Variants in TMEFF2 observed in about 807,000 individuals in gnomAD.
TMEFF2 encodes the protein transmembrane protein with EGF like and two follistatin like domains 2.
Under a neutral mutation model 53.8 loss-of-function variants are expected in TMEFF2, and 28 were observed. The observed-to-expected ratio is 0.52, with a 90% confidence interval of 0.39 to 0.71. The LOEUF (loss-of-function observed/expected upper bound fraction) is 0.71. Among genes scored for constraint, TMEFF2 ranks in the 30% least tolerant of loss-of-function variants. TMEFF2 has a pLI of 0.00. For missense variants in TMEFF2, 353 were observed against 455.2 expected, an observed-to-expected ratio of 0.78 and a Z score of 2.04; for synonymous variants, 162 against 166.3, an observed-to-expected ratio of 0.97 and a Z score of 0.20.
At chr2:191,990,554 C>T (rs941516954) in intron 7 of TMEFF2, among the ~76,000 whole-genome samples, 7 of 152,006 alleles carry the variant, frequency 4.6e-5, no homozygotes, top group Non-Finnish European at 7.4e-5. Context: ...ATACATTCTA[C>T]CTGCACTTAC....
At chr2:192,069,730 C>G (rs1267179306) in intron 4 of TMEFF2, among the ~76,000 whole-genome samples, 1 of 151,676 alleles carries the variant, frequency 6.6e-6, no homozygotes, top group Admixed American at 6.6e-5. Context: ...GCCATTAGAT[C>G]ACCAAGGTTA....
intron 7 of TMEFF2, among the ~76,000 whole-genome samples, chr2:191,988,772 TGAAA>T (rs1335555887): frequency 6.8e-6 from 1 of 147,486 alleles, no homozygotes; most frequent in Non-Finnish European, 1.5e-5. Context: ...TCAGAAGATG[TGAAA>T]GAAAGATTAA....
At chr2:192,149,109 A>AT (rs1690323700) in intron 4 of TMEFF2, among the ~76,000 whole-genome samples, 1 of 151,972 alleles carries the variant, frequency 6.6e-6, no homozygotes, top group African/African-American at 2.4e-5. Flanking sequence ...CAGGCCTTTA[A>AT]TTTTGCATTC....
In TMEFF2 at chr2:191,972,402, A is replaced by G. The variant is rs1481743970; in HGVS notation, c.746-16024T>C. ...GGTCTTGAACTCCTGACCTCAGGTGATCTGCCCACCTCGGCCTCCCAAAGG... is the reference window on the plus strand; with the variant it reads ...GGTCTTGAACTCCTGACCTCAGGTGGTCTGCCCACCTCGGCCTCCCAAAGG... On this transcript the variant is annotated intron_variant, in intron 7 of 9. Coordinates refer to ENST00000272771, the MANE Select transcript of TMEFF2 (RefSeq NM_016192.4). Among the ~76,000 whole-genome samples the G allele has an allele frequency of 1.4e-5, 2 of 139,280 alleles. 1 individual carries two copies. The highest frequency in any genetic ancestry group is 5.5e-5 in the African/African-American group (2 of 36,570). 91.4% of individuals were successfully genotyped at this position (139,280 alleles called of 152,430 possible).
At chr2:192,135,999 C>T (rs962354174) in intron 4 of TMEFF2, among the ~76,000 whole-genome samples, 4 of 152,172 alleles carry the variant, frequency 2.6e-5, no homozygotes, top group African/African-American at 9.6e-5. Context: ...ACCCCTATCT[C>T]CCTTCGCTGA....
At chr2:192,184,592 A>T (rs1691266930) in intron 2 of TMEFF2, 109 bp from the exon 3 acceptor site, 2 of 1,378,772 alleles carry the variant, frequency 1.5e-6, no homozygotes, top group South Asian at 1.4e-5. Flanking sequence ...CTTCATTTTC[A>T]ATGATTCTAA....
intron 4 of TMEFF2, among the ~76,000 whole-genome samples, chr2:192,165,440 TTATAAG>T (rs1205005115): frequency 6.6e-6 from 1 of 152,176 alleles, no homozygotes; most frequent in Non-Finnish European, 1.5e-5. Context: ...TACGTACTCA[TTATAAG>T]TATATTAAAA....
intron 4 of TMEFF2, among the ~76,000 whole-genome samples, chr2:192,158,330 T>C (rs947286193): frequency 2.6e-5 from 4 of 151,290 alleles, no homozygotes; most frequent in African/African-American, 4.8e-5. Context: ...ATATCTCTGA[T>C]ATATTGTGTG....
chr2:192,001,404 T>TTA (rs746391732), intron 5 of TMEFF2, among the ~76,000 whole-genome samples: 39 of 151,856 alleles, frequency 2.6e-4, no homozygotes, highest in East Asian at 3.9e-4. Context: ...TGTAAATAGA[T>TTA]TATATATATA....
intron 7 of TMEFF2, among the ~76,000 whole-genome samples, chr2:191,982,685 C>CT (rs1299348319): frequency 6.6e-6 from 1 of 152,050 alleles, no homozygotes; most frequent in Non-Finnish European, 1.5e-5. Flanking sequence ...CAAGATATTG[C>CT]TTGAGTTTCT....
chr2:191,973,437 G>A (rs879787353), intron 7 of TMEFF2, among the ~76,000 whole-genome samples: 13 of 152,032 alleles, frequency 8.6e-5, no homozygotes, highest in Middle Eastern at 3.4e-3. Flanking sequence ...ACACATACAC[G>A]CACATGCATA....
chr2:191,968,266 T>G (rs764831979), intron 7 of TMEFF2, among the ~76,000 whole-genome samples: 1 of 152,206 alleles, frequency 6.6e-6, no homozygotes, highest in Non-Finnish European at 1.5e-5. Flanking sequence ...ACTGGTGATA[T>G]CTATATCAGC....
chr2:192,157,995 C>G (rs185363019), intron 4 of TMEFF2, among the ~76,000 whole-genome samples: 1 of 152,116 alleles, frequency 6.6e-6, no homozygotes, highest in African/African-American at 2.4e-5. Flanking sequence ...TTTTAGTCTA[C>G]CAGTGGTACA....
At chr2:191,987,535 T>A (rs1686009121) in intron 7 of TMEFF2, among the ~76,000 whole-genome samples, 1 of 152,244 alleles carries the variant, frequency 6.6e-6, no homozygotes, top group East Asian at 1.9e-4. Context: ...GCCTCCTGAA[T>A]AGCTGGGACT....
chr2:192,170,086 C>T (rs954876809), intron 4 of TMEFF2, among the ~76,000 whole-genome samples: 1 of 152,014 alleles, frequency 6.6e-6, no homozygotes, highest in African/African-American at 2.4e-5. Flanking sequence ...ATTGAAGTTG[C>T]TATTACAGTT....
At chr2:192,153,462 G>A (rs904896612) in intron 4 of TMEFF2, among the ~76,000 whole-genome samples, 2 of 151,690 alleles carry the variant, frequency 1.3e-5, no homozygotes, top group African/African-American at 4.8e-5. Context: ...TCTCCATTTT[G>A]TGCAGATTCA....
At chr2:192,134,026 C>G (rs1420228168) in intron 4 of TMEFF2, among the ~76,000 whole-genome samples, 1 of 152,190 alleles carries the variant, frequency 6.6e-6, no homozygotes, top group Non-Finnish European at 1.5e-5. Flanking sequence ...AACAACTTGA[C>G]CTTACTGTTT....
intron 5 of TMEFF2, among the ~76,000 whole-genome samples, chr2:192,024,998 A>G (rs1339733166): frequency 6.6e-6 from 1 of 152,182 alleles, no homozygotes; most frequent in African/African-American, 2.4e-5. Flanking sequence ...AGAGGGAATG[A>G]ATGAGGTATA....
chr2:192,142,316 G>T (rs1316021500), intron 4 of TMEFF2, among the ~76,000 whole-genome samples: 1 of 152,038 alleles, frequency 6.6e-6, no homozygotes, highest in Admixed American at 6.6e-5. Flanking sequence ...GCCAAATGTA[G>T]TGCCTTTTGG....
Sources: allele counts gnomAD v4.1 joint callset (sites outside exome capture counted in the v4.1 genomes callset), GRCh38; gene constraint gnomAD v4.1.1; transcripts MANE v1.5; gene names NCBI Gene and HGNC (gene_info 2026-07-23, HGNC 2026-07-21).